PARD3: variants seen among roughly 807,000 people sequenced by gnomAD.
The protein encoded by PARD3 is partitioning defective 3 homolog.
A neutral mutation model predicts 155.4 loss-of-function variants in PARD3; 75 were observed. The ratio of observed to expected loss-of-function variants is 0.48; its 90% confidence interval spans 0.40 to 0.58. The LOEUF is 0.58. Among genes scored for constraint, PARD3 ranks in the 20% least tolerant of loss-of-function variants. PARD3 has a pLI of 0.00. For synonymous variants in PARD3, 576 were observed against 610.5 expected (o/e 0.94, Z 0.83); for missense variants, 1,642 against 1,721.7 (o/e 0.95, Z 0.82).
At chr10:34,385,753 A>G (rs1842288728) in intron 7 of PARD3, among the ~76,000 whole-genome samples, 1 of 152,176 alleles carries the variant, frequency 6.6e-6, no homozygotes, top group African/African-American at 2.4e-5. Flanking sequence ...CATTTATCAT[A>G]TTCTTCTCTT....
intron 5 of PARD3, among the ~76,000 whole-genome samples, chr10:34,403,316 T>C (rs1282069323): frequency 6.6e-6 from 1 of 152,192 alleles, no homozygotes; most frequent in African/African-American, 2.4e-5. Flanking sequence ...ATTGGGAATT[T>C]ACCAAGCCAT....
At chr10:34,379,750 T>G (rs1841634906) in intron 9 of PARD3, among the ~76,000 whole-genome samples, 1 of 152,124 alleles carries the variant, frequency 6.6e-6, no homozygotes, top group African/African-American at 2.4e-5. Context: ...AACAGATTAC[T>G]GACCTTCTCC....
intron 2 of PARD3, among the ~76,000 whole-genome samples, chr10:34,582,484 C>A (rs2087581396): frequency 6.6e-6 from 1 of 152,194 alleles, no homozygotes; most frequent in East Asian, 1.9e-4. Flanking sequence ...CCTCTTGTAG[C>A]CACTTGTCCA....
At chr10:34,454,152 C>A (rs16935417) in intron 4 of PARD3, among the ~76,000 whole-genome samples, 3,906 of 152,120 alleles carry the variant, frequency 0.026, 168 homozygotes, top group African/African-American at 0.089. Context: ...CAGCATCATG[C>A]AGGTCCTACT....
At chr10:34,196,775 G>A (rs960558805) in intron 22 of PARD3, among the ~76,000 whole-genome samples, 5 of 151,780 alleles carry the variant, frequency 3.3e-5, no homozygotes, top group Non-Finnish European at 7.4e-5. Flanking sequence ...GGGTTACACC[G>A]TGTTAGCCAG....
chr10:34,506,495 G>A (rs1197523540), intron 3 of PARD3, among the ~76,000 whole-genome samples: 1 of 152,076 alleles, frequency 6.6e-6, no homozygotes, highest in Non-Finnish European at 1.5e-5. Context: ...TCATGCACAT[G>A]TCTCAATTTT....
chr10:34,518,800 A>G (rs1488003956), intron 2 of PARD3, among the ~76,000 whole-genome samples: 1 of 152,182 alleles, frequency 6.6e-6, no homozygotes, highest in Admixed American at 6.5e-5. Flanking sequence ...GGGTGTGAAT[A>G]TGATAATAAC....
chr10:34,140,799 T>C (rs1325579836), intron 22 of PARD3, among the ~76,000 whole-genome samples: 1 of 152,204 alleles, frequency 6.6e-6, no homozygotes, highest in African/African-American at 2.4e-5. Context: ...CTGAATTCAA[T>C]TTCTCTTCTG....
chr10:34,297,085 C>CT (rs1956944865), intron 20 of PARD3, among the ~76,000 whole-genome samples: 1 of 152,178 alleles, frequency 6.6e-6, no homozygotes, highest in South Asian at 2.1e-4. Flanking sequence ...CTTAGGACTG[C>CT]TTGAGCCCAG....
chr10:34,477,389 C>T (rs1021625248), intron 3 of PARD3, among the ~76,000 whole-genome samples: 3 of 152,256 alleles, frequency 2.0e-5, no homozygotes, highest in East Asian at 1.9e-4. Flanking sequence ...AAGCACAGAG[C>T]GACTGGTGCG....
chr10:34,640,708 C>CAAGAAAAAAAA (rs2092646865), intron 2 of PARD3, among the ~76,000 whole-genome samples: 1 of 24,020 alleles, frequency 4.2e-5, no homozygotes, highest in Non-Finnish European at 7.9e-5. Context: ...GACTCCATCT[C>CAAGAAAAAAAA]AAAAAAAAAA....
intron 5 of PARD3, among the ~76,000 whole-genome samples, chr10:34,437,012 T>C (rs1316105729): frequency 6.6e-6 from 1 of 152,222 alleles, no homozygotes; most frequent in Non-Finnish European, 1.5e-5. Context: ...TGCATCTCCA[T>C]GTATAACGTT....
rs59792013 is a variant in PARD3, at chr10:34,606,156, ATGTGTGTGTG to A, written c.223-89007_223-88998del. Among the ~76,000 whole-genome samples the A allele has an allele frequency of 7.2e-3, 906 of 126,526 alleles. 5 individuals are homozygous for A. The highest frequency in any genetic ancestry group is 0.01 in the African/African-American group (367 of 36,032). 83.0% of individuals were successfully genotyped at this position (126,526 alleles called of 152,430 possible). A position where few individuals can be genotyped will look rare whatever the true frequency, so the allele number is the denominator to read the frequency against. On this transcript the variant is annotated intron_variant, in intron 2 of 24. Coordinates refer to ENST00000374788, the MANE Select transcript of PARD3 (RefSeq NM_001184785.2). The stretch of plus-strand genomic sequence containing the variant: ...TATTACTATACATATATAAAGGGAA[ATGTGTGTGTG>A]TGTGTGTGTGTGTGTGTGTGTGTGT...
intron 4 of PARD3, among the ~76,000 whole-genome samples, chr10:34,467,458 A>G (rs1368003409): frequency 3.3e-5 from 5 of 152,034 alleles, no homozygotes; most frequent in Non-Finnish European, 7.4e-5. Context: ...CATGTCATTT[A>G]AAACAACAGG....
intron 20 of PARD3, among the ~76,000 whole-genome samples, 187 bp downstream of exon 20, chr10:34,316,920 A>G (rs1261960880): frequency 6.6e-6 from 1 of 152,160 alleles, no homozygotes; most frequent in Non-Finnish European, 1.5e-5. Flanking sequence ...TATTTTAGAG[A>G]GAGAATGGAA....
intron 5 of PARD3, among the ~76,000 whole-genome samples, chr10:34,422,271 A>G (rs2075354745): frequency 6.6e-6 from 1 of 152,206 alleles, no homozygotes. Context: ...TTCCTCAACC[A>G]GAAAACTGAC....
intron 23 of PARD3, among the ~76,000 whole-genome samples, chr10:34,124,057 G>A (rs964869455): frequency 3.3e-5 from 5 of 152,124 alleles, no homozygotes; most frequent in African/African-American, 1.2e-4. Context: ...TAGTGTGTAA[G>A]TATGTGTGGG....
At chr10:34,295,472 T>G (rs921192526) in intron 20 of PARD3, among the ~76,000 whole-genome samples, 5 of 152,154 alleles carry the variant, frequency 3.3e-5, no homozygotes, top group Non-Finnish European at 7.4e-5. Flanking sequence ...GTGGTCTCAG[T>G]CCCTAGACAG....
intron 2 of PARD3, among the ~76,000 whole-genome samples, chr10:34,610,044 T>C (rs2090765176): frequency 6.6e-6 from 1 of 152,334 alleles, no homozygotes; most frequent in South Asian, 2.1e-4. Context: ...CAGAATTTTA[T>C]ACCAAAGGGG....
Sources: gnomAD v4.1 joint callset for allele counts (sites outside exome capture counted in the v4.1 genomes callset) on GRCh38, gnomAD v4.1.1 for gene constraint, MANE v1.5 for transcripts, NCBI Gene and HGNC (gene_info 2026-07-23, HGNC 2026-07-21) for gene names.